Variants in STPG2 observed in about 807,000 individuals in gnomAD.
The protein encoded by STPG2 is sperm-tail PG-rich repeat-containing protein 2.
A neutral mutation model predicts 54.2 loss-of-function variants in STPG2; 56 were observed. The observed-to-expected ratio is 1.03, with a 90% CI of 0.83 to 1.29. STPG2 has a LOEUF of 1.29. Ranked by LOEUF, STPG2 falls within the 50% of genes most tolerant of loss-of-function variation. The pLI is 0.00. For synonymous variants in STPG2, 200 were observed against 181.8 expected (o/e 1.10, Z -0.81); for missense variants, 596 against 544.9 (o/e 1.09, Z -0.93).
At chr4:97,523,568 A>G (rs945417365) in intron 4 of STPG2, among the ~76,000 whole-genome samples, 1 of 151,938 alleles carries the variant, frequency 6.6e-6, no homozygotes, top group African/African-American at 2.4e-5. Flanking sequence ...GTCTTCAAGG[A>G]ATGAGTGTTT....
chr4:97,941,998 A>G (rs1304642434), intron 8 of STPG2, among the ~76,000 whole-genome samples: 3 of 151,972 alleles, frequency 2.0e-5, no homozygotes, highest in African/African-American at 7.2e-5. Context: ...AGAGGGACAA[A>G]GTTAAAAGAA....
At chr4:97,775,987 C>T (rs1271898940) in intron 9 of STPG2, among the ~76,000 whole-genome samples, 1 of 152,082 alleles carries the variant, frequency 6.6e-6, no homozygotes, top group Admixed American at 6.6e-5. Flanking sequence ...GTCTCGAACT[C>T]CTGACCTCAC....
intron 8 of STPG2, among the ~76,000 whole-genome samples, chr4:97,909,094 C>A (rs1034415335): frequency 6.6e-6 from 1 of 150,428 alleles, no homozygotes; most frequent in Admixed American, 6.6e-5. Flanking sequence ...AATAAACAAT[C>A]AAAAGGCAAA....
At chr4:97,849,731 A>C (rs1729090071) in intron 8 of STPG2, among the ~76,000 whole-genome samples, 1 of 151,660 alleles carries the variant, frequency 6.6e-6, no homozygotes, top group Admixed American at 6.6e-5. Flanking sequence ...ATACCATCTC[A>C]CACCAGTTAG....
chr4:97,965,954 T>G (rs1280221114), intron 7 of STPG2, among the ~76,000 whole-genome samples: 2 of 152,134 alleles, frequency 1.3e-5, no homozygotes, highest in Non-Finnish European at 2.9e-5. Context: ...CCAGAGTGCC[T>G]CTTCTCCTCT....
chr4:97,595,302 G>A (rs1192744306), intron 10 of STPG2, among the ~76,000 whole-genome samples: 1 of 152,136 alleles, frequency 6.6e-6, no homozygotes, highest in East Asian at 1.9e-4. Flanking sequence ...CCTTTGTAGG[G>A]ACATGGATGA....
intron 5 of STPG2, among the ~76,000 whole-genome samples, chr4:98,101,079 C>T (rs1039607609): frequency 3.3e-5 from 5 of 152,006 alleles, no homozygotes; most frequent in Non-Finnish European, 5.9e-5. Context: ...CCCCTGGGAT[C>T]CCACATTAAG....
intron 9 of STPG2, among the ~76,000 whole-genome samples, chr4:97,725,962 A>G (rs1412583812): frequency 6.6e-6 from 1 of 151,978 alleles, no homozygotes; most frequent in Non-Finnish European, 1.5e-5. Context: ...TCGTATTGGC[A>G]TCAGCAAAAC....
intron 4 of STPG2, among the ~76,000 whole-genome samples, chr4:97,544,794 C>T (rs1731798892): frequency 6.6e-6 from 1 of 152,010 alleles, no homozygotes; most frequent in South Asian, 2.1e-4. Flanking sequence ...TACGTTCTTT[C>T]AGGCAAGAAT....
chr4:97,586,108 AAAATATAAAATTTCAGC>A (rs1201839625), intron 10 of STPG2, among the ~76,000 whole-genome samples: 1 of 151,962 alleles, frequency 6.6e-6, no homozygotes, highest in Non-Finnish European at 1.5e-5. Flanking sequence ...CAACAAATAA[AAAATATAAAATTTCAGC>A]AAATAAATTA....
At chr4:97,717,173 A>C (rs1724315470) in intron 9 of STPG2, among the ~76,000 whole-genome samples, 1 of 152,182 alleles carries the variant, frequency 6.6e-6, no homozygotes. Context: ...AAATTGAGCT[A>C]TAGGTAAGAG....
chr4:97,442,578 G>T (rs566765941), intron 4 of STPG2, among the ~76,000 whole-genome samples: 1 of 152,018 alleles, frequency 6.6e-6, no homozygotes, highest in East Asian at 1.9e-4. Context: ...AGATAGAATT[G>T]GGTCTTTGTG....
intron 9 of STPG2, among the ~76,000 whole-genome samples, chr4:97,797,649 C>CT (rs1252137705): frequency 6.6e-6 from 1 of 152,062 alleles, no homozygotes; most frequent in African/African-American, 2.4e-5. Flanking sequence ...CTAAAATTCT[C>CT]TTTTTTTGTT....
intron 9 of STPG2, among the ~76,000 whole-genome samples, chr4:97,715,876 G>A (rs1724268718): frequency 6.6e-6 from 1 of 152,102 alleles, no homozygotes; most frequent in South Asian, 2.1e-4. Context: ...CTTCTGCACA[G>A]CAAAAGTAAC....
intron 9 of STPG2, among the ~76,000 whole-genome samples, chr4:97,775,928 A>C (rs2149066242): frequency 6.6e-6 from 1 of 152,062 alleles, no homozygotes; most frequent in Admixed American, 6.6e-5. Flanking sequence ...TGCCTAGCTA[A>C]TTTTTGTATT....
At chr4:97,901,939 T>A (rs1731191729) in intron 8 of STPG2, among the ~76,000 whole-genome samples, 1 of 151,926 alleles carries the variant, frequency 6.6e-6, no homozygotes, top group African/African-American at 2.4e-5. Flanking sequence ...TCAAACAGTA[T>A]AGTACTGACA....
intron 1 of STPG2, 120 bp from the exon 2 acceptor site, chr4:98,134,579 C>CTAA (rs35399947): frequency 0.38 from 152,828 of 404,950 alleles, 30,181 homozygotes; most frequent in African/African-American, 0.45. Context: ...ATTTTCAGAA[C>CTAA]TGTCTAGTCA....
chr4:98,006,464 T>C (rs1735577714), intron 5 of STPG2, among the ~76,000 whole-genome samples: 1 of 152,146 alleles, frequency 6.6e-6, no homozygotes, highest in Non-Finnish European at 1.5e-5. Flanking sequence ...TGGAAACTGA[T>C]AGGAGGAAAT....
intron 3 of STPG2, among the ~76,000 whole-genome samples, chr4:98,110,537 A>C (rs1739317735): frequency 6.6e-6 from 1 of 152,100 alleles, no homozygotes; most frequent in Non-Finnish European, 1.5e-5. Context: ...CACCCCAAGG[A>C]AAGACTCAGG....
Sources: gnomAD v4.1 joint callset for allele counts (sites outside exome capture counted in the v4.1 genomes callset) on GRCh38, gnomAD v4.1.1 for gene constraint, MANE v1.5 for transcripts, NCBI Gene and HGNC (gene_info 2026-07-23, HGNC 2026-07-21) for gene names.